Variants in PRPF19 observed in about 807,000 individuals in gnomAD.
PRPF19 encodes the protein pre-mRNA processing factor 19.
Under a neutral mutation model 64.2 loss-of-function variants are expected in PRPF19, and 2 were observed. The observed-to-expected ratio is 0.03, with a 90% CI of 0.01 to 0.10. The LOEUF (loss-of-function observed/expected upper bound fraction) is 0.10. Ranked by LOEUF, PRPF19 falls within the 10% of genes least tolerant of loss-of-function variation. The pLI is 1.00. For synonymous variants in PRPF19, 226 were observed against 251.6 expected, an observed-to-expected ratio of 0.90 and a Z score of 0.96; for missense variants, 314 against 650.0, an observed-to-expected ratio of 0.48 and a Z score of 5.62.
Position 60,890,669 on chromosome 11 carries a change from C to A in PRPF19, c.*497G>T. On this transcript the variant is annotated 3_prime_UTR_variant, in exon 16 of 16. Coordinates refer to ENST00000227524, the MANE Select transcript of PRPF19 (RefSeq NM_014502.5). ...CCAGTGTCCCAGTGTGTGCTCCCTC[C>A]CCTTGACCTTCCCAGTCCCAGGTGC... is the stretch of plus-strand genomic sequence containing the variant. The A allele has an allele frequency of 2.2e-6, 1 of 450,446 alleles. No homozygotes were observed. The highest frequency in any genetic ancestry group is 4.5e-6 in the Non-Finnish European group (1 of 223,632). 27.9% of individuals were successfully genotyped at this position (450,446 alleles called of 1,614,324 possible).
intron 15 of PRPF19, among the ~76,000 whole-genome samples, chr11:60,895,963 C>T (rs1376083815): frequency 1.3e-5 from 2 of 152,116 alleles, no homozygotes; most frequent in Admixed American, 6.5e-5. Flanking sequence ...ACAATAGCAA[C>T]ATCAAAGATC....
In PRPF19 at chr11:60,906,309, C is replaced by A. The variant is rs1359496793; in HGVS notation, c.19+55G>T. The A allele has an allele frequency of 2.6e-6, 4 of 1,566,154 alleles. No individual in the cohort carries two copies. The Admixed American group carries it at 7.3e-5, about 29-fold the overall frequency. ...GGCGCCGCAGCGGACCGCACACGCT[C>A]CCGCGCCGCTCTCTGGCCTCCTGAG... On this transcript the variant is annotated intron_variant, in intron 1 of 15. Coordinates refer to ENST00000227524, the MANE Select transcript of PRPF19 (RefSeq NM_014502.5).
Position 60,902,461 on chromosome 11 carries a change from G to A in PRPF19, c.467C>T (p.Ala156Val), listed in dbSNP as rs201476413. The A allele has an allele frequency of 4.5e-5, 72 of 1,614,042 alleles. No individual in the cohort carries two copies. The highest frequency in any genetic ancestry group is 3.2e-4 in the Admixed American group (19 of 60,012). ...VPSSQPSVVG[A>V]GEPMDLGELV... Reference sequence around the variant, plus strand: ...CTCACCCAAATCCATTGGCTCACCCGCACCCTGAAGAGAAGAAAGGTGAGG... The same window carrying A: ...CTCACCCAAATCCATTGGCTCACCCACACCCTGAAGAGAAGAAAGGTGAGG... Residue 156 changes from alanine to valine, a missense_variant, in exon 6 of 16, where the codon GCG (alanine) becomes GTG (valine). Ala to Val is a moderately conservative substitution (Grantham distance 64, BLOSUM62 0). This residue lies in a region of PRPF19 where 175 missense variants were observed against 342.9 expected (regional missense o/e 0.51). Transcript: ENST00000227524. This position sits in a 1 kb window ranked among gnomAD's most constrained non-coding sequence, Gnocchi z 5.0.
chr11:60,897,788 G>A lies in PRPF19; in HGVS notation c.1417+58C>T. ...CCCTAGAAATTCCTAACCCAGTGAGGCTTCCCTCCGGGCCTGGGCACCTAG... is the reference window on the plus strand; with the variant it reads ...CCCTAGAAATTCCTAACCCAGTGAGACTTCCCTCCGGGCCTGGGCACCTAG... On this transcript the variant is annotated intron_variant, in intron 15 of 15. Transcript: ENST00000227524. 2.8e-6 allele frequency: 4 copies of A among 1,447,812 alleles called. No individual in the cohort carries two copies. The South Asian group carries it at 4.8e-5, about 17-fold the overall frequency. The allele number at this position is 1,447,812 out of a possible 1,614,324, so 89.7% of individuals were successfully genotyped here. A position where few individuals can be genotyped will look rare whatever the true frequency, so the allele number is the denominator to read the frequency against.
chr11:60,906,319 T>C, intron 1 of PRPF19, 45 bp downstream of exon 1: 2 of 1,580,932 alleles, frequency 1.3e-6, no homozygotes, highest in South Asian at 2.3e-5. Context: ...CCCGCGCCGC[T>C]CTCTGGCCTC....
In PRPF19 at chr11:60,902,730, G is replaced by A. The variant is rs758207574; in HGVS notation, c.388+10C>T. 1.7e-5 allele frequency: 28 copies of A among 1,614,106 alleles called. No homozygotes were observed. Among genetic ancestry groups the A allele is most frequent in the Admixed American group, 3.3e-5 (2 of 60,008 alleles). ...GCCCAGGGTGGGGGATGGCAGGGGA[G>A]AGGCTGCACCTTCTCGGGCAGCAGT... On this transcript the variant is annotated intron_variant, in intron 4 of 15. Transcript: ENST00000227524. This position sits in a 1 kb window ranked among gnomAD's most constrained non-coding sequence, Gnocchi z 5.0.
chr11:60,903,984 C>T (rs1195625354), intron 1 of PRPF19, 123 bp from the exon 2 acceptor site: 2 of 1,237,452 alleles, frequency 1.6e-6, no homozygotes, highest in Non-Finnish European at 2.2e-6. Context: ...GAAAGCAAGA[C>T]ATTTGACCCT....
chr11:60,904,079 C>G (rs767702392), intron 1 of PRPF19, among the ~76,000 whole-genome samples: 4 of 152,166 alleles, frequency 2.6e-5, no homozygotes, highest in African/African-American at 4.8e-5. Flanking sequence ...AGATAGTCTC[C>G]TGACTATCTG....
chr11:60,898,018 G>A lies in PRPF19; in HGVS notation c.1312-67C>T. On this transcript the variant is annotated intron_variant, in intron 14 of 15. Coordinates refer to ENST00000227524, the MANE Select transcript of PRPF19 (RefSeq NM_014502.5). The surrounding 1 kb of genome is among the most constrained non-coding windows in gnomAD (Gnocchi z 4.6). Reference sequence around the variant, plus strand: ...GAAACTATGGGGCAGTTGCGGATAAGCAGAAGCAATTAGATTAATTCAATA... The same window carrying A: ...GAAACTATGGGGCAGTTGCGGATAAACAGAAGCAATTAGATTAATTCAATA... The A allele has an allele frequency of 6.2e-7, 1 of 1,607,750 alleles. No individual in the cohort carries two copies. Among genetic ancestry groups the A allele is most frequent in the Admixed American group, 1.7e-5 (1 of 59,468 alleles).
chr11:60,895,242 T>G (rs527815314), intron 15 of PRPF19, among the ~76,000 whole-genome samples: 1 of 152,340 alleles, frequency 6.6e-6, no homozygotes, highest in East Asian at 1.9e-4. Flanking sequence ...TGTTGTTGAG[T>G]GTACCCACCG....
At position 60,890,603 on chromosome 11, in the gene PRPF19, G is replaced by A; in HGVS notation, c.*563C>T. 3.0e-6 allele frequency: 1 copy of A among 334,596 alleles called. No individual in the cohort carries two copies. The highest frequency in any genetic ancestry group is 5.9e-6 in the Non-Finnish European group (1 of 168,724). The allele number at this position is 334,596 out of a possible 1,614,324, so 20.7% of individuals were successfully genotyped here. ...GTGCAATTAAAAAAAAAAAAAAAGG[G>A]TAAGAGCTGTGAAAGGAAAGGAAGA... is the stretch of plus-strand genomic sequence containing the variant. On this transcript the variant is annotated 3_prime_UTR_variant, in exon 16 of 16. Coordinates refer to ENST00000227524, the MANE Select transcript of PRPF19 (RefSeq NM_014502.5).
intron 1 of PRPF19, 31 bp from the exon 2 acceptor site, chr11:60,903,892 A>G: frequency 1.3e-6 from 2 of 1,599,646 alleles, no homozygotes; most frequent in Non-Finnish European, 1.7e-6. Flanking sequence ...GTGAGCTTGG[A>G]GTGAAGGCAA....
chr11:60,896,500 C>G (rs1300233706), intron 15 of PRPF19, among the ~76,000 whole-genome samples: 2 of 152,150 alleles, frequency 1.3e-5, no homozygotes, highest in Admixed American at 6.5e-5. Flanking sequence ...GGGGTGGTTA[C>G]CCCCATGCTG....
Position 60,891,102 on chromosome 11 carries a change from C to T in PRPF19, c.*64G>A, listed in dbSNP as rs1482896685. On this transcript the variant is annotated 3_prime_UTR_variant, in exon 16 of 16. Transcript: ENST00000227524. The stretch of plus-strand genomic sequence containing the variant: ...CCCCATAGATTCCCCCCACCCCCCC[C>T]CCCAAACCCTAATTCTACCCCTCTA... 1.4e-5 allele frequency: 7 copies of T among 494,114 alleles called. No homozygotes were observed. Among genetic ancestry groups the T allele is most frequent in the South Asian group, 7.1e-5 (4 of 56,222 alleles). 30.6% of individuals were successfully genotyped at this position (494,114 alleles called of 1,614,324 possible). A position where few individuals can be genotyped will look rare whatever the true frequency, so the allele number is the denominator to read the frequency against.
chr11:60,906,225 T>C (rs759001621), intron 1 of PRPF19, 139 bp downstream of exon 1: 33 of 1,339,100 alleles, frequency 2.5e-5, no homozygotes, highest in Non-Finnish European at 3.0e-5. Flanking sequence ...GGGGCTCCGG[T>C]GCTGACAGGC....
chr11:60,903,899 G>A, intron 1 of PRPF19, 38 bp from the exon 2 acceptor site: 1 of 1,595,216 alleles, frequency 6.3e-7, no homozygotes, highest in Non-Finnish European at 8.5e-7. Context: ...TGGAGTGAAG[G>A]CAATCTTGGG....
intron 15 of PRPF19, 57 bp downstream of exon 15, chr11:60,897,789 C>G: frequency 6.8e-7 from 1 of 1,462,568 alleles, no homozygotes; most frequent in African/African-American, 1.4e-5. Flanking sequence ...CCCAGTGAGG[C>G]TTCCCTCCGG....
intron 6 of PRPF19, 126 bp from the exon 7 acceptor site, chr11:60,901,666 C>T: frequency 1.8e-6 from 2 of 1,108,232 alleles, no homozygotes; most frequent in Non-Finnish European, 2.6e-6. Flanking sequence ...TTCTACGTTA[C>T]AGGCTTAAAG....
rs1029345884 is a variant in PRPF19 at position 60,906,522 on chromosome 11, C to T, written c.-140G>A. 3.4e-6 allele frequency: 3 copies of T among 887,164 alleles called. No individual in the cohort carries two copies. Among genetic ancestry groups the T allele is most frequent in the Non-Finnish European group, 5.1e-6 (3 of 593,038 alleles). The allele number at this position is 887,164 out of a possible 1,614,324, so 55.0% of individuals were successfully genotyped here. On this transcript the variant is annotated 5_prime_UTR_variant, in exon 1 of 16. Transcript: ENST00000227524. Reference sequence around the variant, plus strand: ...GGAGCCGCCAGCCGAGCGATGCTAGCGTAGCGCTTCACGTGGGAATGGGGA... The same window carrying T: ...GGAGCCGCCAGCCGAGCGATGCTAGTGTAGCGCTTCACGTGGGAATGGGGA...
Sources: allele counts gnomAD v4.1 joint callset (sites outside exome capture counted in the v4.1 genomes callset), GRCh38; gene constraint gnomAD v4.1.1; regional missense constraint gnomAD v4.1.1; non-coding constraint Gnocchi (gnomAD v3.1); transcripts MANE v1.5; gene names NCBI Gene and HGNC (gene_info 2026-07-23, HGNC 2026-07-21).